Variants in RNF152 observed in about 807,000 individuals in gnomAD.
RNF152 encodes ring finger protein 152, also known as E3 ubiquitin-protein ligase RNF152.
In RNF152, 11 loss-of-function variants were observed where a neutral mutation model predicts 12.7. The observed-to-expected ratio is 0.86, with a 90% CI of 0.54 to 1.43. RNF152 has a LOEUF of 1.43. Among genes scored for constraint, RNF152 ranks in the 40% most tolerant of loss-of-function variants. The probability of loss-of-function intolerance (pLI) is 0.00; values close to 1 mark genes in which losing one functional copy is unlikely to be tolerated. For missense variants in RNF152, 255 were observed against 274.8 expected, an observed-to-expected ratio of 0.93 and a Z score of 0.51; for synonymous variants, 113 against 120.3, an observed-to-expected ratio of 0.94 and a Z score of 0.40.
chr18:61,866,158 C>A (rs1352274842), intron 1 of RNF152, among the ~76,000 whole-genome samples: 1 of 152,160 alleles, frequency 6.6e-6, no homozygotes, highest in Non-Finnish European at 1.5e-5. Context: ...GTGGTAACCC[C>A]TGCCCAAATC....
intron 1 of RNF152, among the ~76,000 whole-genome samples, chr18:61,829,215 T>C (rs966893559): frequency 6.6e-6 from 1 of 152,002 alleles, no homozygotes; most frequent in Admixed American, 6.6e-5. Flanking sequence ...AATATCACTG[T>C]AAGGGGAGGC....
chr18:61,890,125 T>A (rs1912888357), intron 1 of RNF152, among the ~76,000 whole-genome samples: 2 of 152,178 alleles, frequency 1.3e-5, no homozygotes, highest in Non-Finnish European at 2.9e-5. Context: ...GAATAGTAAA[T>A]ATACAGGTTG....
chr18:61,809,529 C>T lies in RNF152; in HGVS notation c.*6323G>A, dbSNP rs1599249351. The T allele has an allele frequency of 6.6e-6, 1 of 152,290 alleles. No individual in the cohort carries two copies. The highest frequency in any genetic ancestry group is 1.9e-4 in the East Asian group (1 of 5,184). The allele number at this position is 152,290 out of a possible 1,614,324, so 9.4% of individuals were successfully genotyped here. ...CCTGTTAGAATAACCCAATAACTCA[C>T]ACCCCAAGGAGATTACAGAAGACTT... On this transcript the variant is annotated 3_prime_UTR_variant, in exon 2 of 2. Coordinates refer to ENST00000312828, the MANE Select transcript of RNF152 (RefSeq NM_173557.3).
At chr18:61,853,036 T>C (rs1417630671) in intron 1 of RNF152, among the ~76,000 whole-genome samples, 1 of 152,258 alleles carries the variant, frequency 6.6e-6, no homozygotes, top group African/African-American at 2.4e-5. Context: ...GTAACATCTA[T>C]GTAGCACTTT....
intron 1 of RNF152, among the ~76,000 whole-genome samples, chr18:61,890,145 G>T (rs1267578801): frequency 6.6e-6 from 1 of 152,174 alleles, no homozygotes; most frequent in Non-Finnish European, 1.5e-5. Context: ...GTAAATTACA[G>T]GTTGTTGATT....
chr18:61,862,853 T>C (rs1911552728), intron 1 of RNF152, among the ~76,000 whole-genome samples: 2 of 152,006 alleles, frequency 1.3e-5, no homozygotes, highest in Admixed American at 1.3e-4. Flanking sequence ...TTATCATTGG[T>C]GTGTGGGTAG....
intron 1 of RNF152, among the ~76,000 whole-genome samples, chr18:61,872,071 C>A (rs952580485): frequency 1.3e-5 from 2 of 152,062 alleles, no homozygotes; most frequent in African/African-American, 4.8e-5. Flanking sequence ...TCTGGGGAGG[C>A]CTCAGGAAAC....
chr18:61,870,710 C>T (rs189820350), intron 1 of RNF152, among the ~76,000 whole-genome samples: 1 of 152,288 alleles, frequency 6.6e-6, no homozygotes, highest in East Asian at 1.9e-4. Context: ...GGTTTATGGA[C>T]CTCATTTCTT....
chr18:61,870,325 G>A (rs1364021761), intron 1 of RNF152, among the ~76,000 whole-genome samples: 1 of 152,098 alleles, frequency 6.6e-6, no homozygotes, highest in African/African-American at 2.4e-5. Flanking sequence ...ATTGATTACT[G>A]TAAACACACA....
intron 1 of RNF152, among the ~76,000 whole-genome samples, chr18:61,817,834 G>A (rs555925250): frequency 1.1e-4 from 16 of 151,750 alleles, no homozygotes; most frequent in East Asian, 1.9e-4. Flanking sequence ...GTCCTCTAAC[G>A]CTCCACTGGC....
At chr18:61,845,926 G>C (rs573814600) in intron 1 of RNF152, among the ~76,000 whole-genome samples, 3 of 151,532 alleles carry the variant, frequency 2.0e-5, no homozygotes, top group African/African-American at 7.3e-5. Flanking sequence ...TGTGTGGGGG[G>C]GCGTGGTGAT....
intron 1 of RNF152, among the ~76,000 whole-genome samples, chr18:61,845,921 G>A (rs978815124): frequency 7.8e-6 from 1 of 128,790 alleles, no homozygotes; most frequent in Admixed American, 7.7e-5. Flanking sequence ...GGCTTTGTGT[G>A]GGGGGGCGTG....
intron 1 of RNF152, among the ~76,000 whole-genome samples, chr18:61,864,749 G>A (rs1911652302): frequency 6.6e-6 from 1 of 152,170 alleles, no homozygotes; most frequent in African/African-American, 2.4e-5. Context: ...GCCAAGGTAT[G>A]GTTGAAAGGA....
intron 1 of RNF152, among the ~76,000 whole-genome samples, chr18:61,868,480 G>A (rs1288879647): frequency 5.9e-5 from 9 of 152,022 alleles, no homozygotes; most frequent in South Asian, 2.1e-4. Context: ...AGGCCAAGGC[G>A]GGTGGATTAC....
chr18:61,885,985 CTTTTTTTTTTTT>C (rs558169838), intron 1 of RNF152, among the ~76,000 whole-genome samples: 5 of 81,694 alleles, frequency 6.1e-5, no homozygotes, highest in Admixed American at 1.6e-4. Flanking sequence ...CTTTTGCTTT[CTTTTTTTTTTTT>C]TTTTTTTTTT....
chr18:61,884,528 A>G (rs1912606104), intron 1 of RNF152, among the ~76,000 whole-genome samples: 1 of 151,208 alleles, frequency 6.6e-6, no homozygotes, highest in South Asian at 2.1e-4. Context: ...TTTTAGAATT[A>G]TGCCTGGTAA....
At chr18:61,833,517 T>G (rs553119565) in intron 1 of RNF152, among the ~76,000 whole-genome samples, 8 of 152,284 alleles carry the variant, frequency 5.3e-5, no homozygotes, top group African/African-American at 1.9e-4. Flanking sequence ...CCTCTGCGTT[T>G]CCCTCTAATG....
At chr18:61,844,980 G>A (rs1004530238) in intron 1 of RNF152, among the ~76,000 whole-genome samples, 1 of 152,178 alleles carries the variant, frequency 6.6e-6, no homozygotes, top group African/African-American at 2.4e-5. Flanking sequence ...TTCCTCCTGA[G>A]GGCCATAAGT....
rs1376649883 is a variant in RNF152 at position 61,812,820 on chromosome 18, G to A, written c.*3032C>T. On this transcript the variant is annotated 3_prime_UTR_variant, in exon 2 of 2. Coordinates refer to ENST00000312828, the MANE Select transcript of RNF152 (RefSeq NM_173557.3). ...TCAACCCTCCTTTCATTTTCCCAGA[G>A]AGGTAGATGCTAACTAAAATGAGTA... The A allele has an allele frequency of 6.6e-6, 1 of 151,886 alleles. No individual in the cohort carries two copies. Among genetic ancestry groups the A allele is most frequent in the African/African-American group, 2.4e-5 (1 of 41,294 alleles). The allele number at this position is 151,886 out of a possible 1,614,324, so 9.4% of individuals were successfully genotyped here. A position where few individuals can be genotyped will look rare whatever the true frequency, so the allele number is the denominator to read the frequency against.
Sources: allele counts gnomAD v4.1 joint callset (sites outside exome capture counted in the v4.1 genomes callset), GRCh38; gene constraint gnomAD v4.1.1; transcripts MANE v1.5; gene names NCBI Gene and HGNC (gene_info 2026-07-23, HGNC 2026-07-21).